GRK3: variants seen among roughly 807,000 people sequenced by gnomAD.
GRK3 encodes G protein-coupled receptor kinase 3, also known as adrenergic, beta, receptor kinase 2.
GRK3 carries 54 observed loss-of-function variants against 95.7 expected under a neutral mutation model. That is an observed-to-expected ratio of 0.56 (90% CI 0.45 to 0.71). GRK3 has a LOEUF of 0.71. Among genes scored for constraint, GRK3 ranks in the 30% least tolerant of loss-of-function variants. GRK3 has a pLI of 0.00. For missense variants in GRK3, 649 were observed against 851.2 expected, an observed-to-expected ratio of 0.76 and a Z score of 2.96; for synonymous variants, 281 against 290.8, an observed-to-expected ratio of 0.97 and a Z score of 0.34.
intron 9 of GRK3, among the ~76,000 whole-genome samples, chr22:25,680,915 C>T (rs964288575): frequency 1.3e-5 from 2 of 151,218 alleles, no homozygotes; most frequent in Non-Finnish European, 2.9e-5. Context: ...AACTGAAATG[C>T]ATTCACTCAC....
At chr22:25,595,850 G>A (rs2084368962) in intron 1 of GRK3, among the ~76,000 whole-genome samples, 1 of 152,210 alleles carries the variant, frequency 6.6e-6, no homozygotes, top group Non-Finnish European at 1.5e-5. Flanking sequence ...AGGAGGCTGA[G>A]GTGGGAGGAT....
At chr22:25,584,465 T>C (rs1249340469) in intron 1 of GRK3, among the ~76,000 whole-genome samples, 3 of 152,132 alleles carry the variant, frequency 2.0e-5, no homozygotes, top group African/African-American at 7.2e-5. Flanking sequence ...GGCCCCAAAG[T>C]GTGTGAGTAG....
chr22:25,710,960 A>C (rs966241817), intron 16 of GRK3, 108 bp from the exon 17 acceptor site: 2 of 546,130 alleles, frequency 3.7e-6, no homozygotes, highest in Non-Finnish European at 6.5e-6. Flanking sequence ...CATGCTGCGC[A>C]GTGGAGCATG....
rs3730112 is a variant in GRK3 at position 25,687,675 on chromosome 22, C to T, written c.957+8C>T. The T allele has an allele frequency of 9.2e-4, 1,480 of 1,613,880 alleles. 12 individuals are homozygous for T. The African/African-American group carries it at 0.015, about 16-fold the overall frequency. ...GTCTACAGAGATTTGAAGGTGAGGA[C>T]GATTGACAGACTCATTCTGCATAGT... is the stretch of plus-strand genomic sequence containing the variant. On this transcript the variant is annotated splice_region_variant and intron_variant, in intron 11 of 20. Transcript: ENST00000324198.
intron 15 of GRK3, among the ~76,000 whole-genome samples, chr22:25,706,916 G>A (rs901225494): frequency 4.6e-5 from 7 of 151,964 alleles, no homozygotes; most frequent in African/African-American, 1.7e-4. Flanking sequence ...CCAAACTCCC[G>A]GCCCAAGTAA....
intron 2 of GRK3, among the ~76,000 whole-genome samples, chr22:25,639,671 T>C (rs532055458): frequency 6.6e-6 from 1 of 152,300 alleles, no homozygotes; most frequent in East Asian, 1.9e-4. Flanking sequence ...TCCATATATA[T>C]TTTCGAATCA....
intron 2 of GRK3, among the ~76,000 whole-genome samples, chr22:25,611,918 C>T (rs1214424686): frequency 2.0e-5 from 3 of 151,082 alleles, no homozygotes; most frequent in African/African-American, 7.3e-5. Context: ...CTGAAACCTC[C>T]ACCTACCAGG....
chr22:25,612,641 C>T (rs1385978482), intron 2 of GRK3, among the ~76,000 whole-genome samples: 1 of 151,950 alleles, frequency 6.6e-6, no homozygotes, highest in East Asian at 1.9e-4. Context: ...TTACTTTTCA[C>T]TTTAATTTCT....
intron 15 of GRK3, among the ~76,000 whole-genome samples, chr22:25,708,236 A>G (rs866557162): frequency 6.6e-6 from 1 of 152,048 alleles, no homozygotes; most frequent in Admixed American, 6.5e-5. Flanking sequence ...GACAAAAAAA[A>G]AGAAACACCA....
chr22:25,651,280 C>T (rs1397111765), intron 3 of GRK3, among the ~76,000 whole-genome samples: 5 of 152,060 alleles, frequency 3.3e-5, no homozygotes, highest in African/African-American at 7.2e-5. Context: ...TACAGTCACA[C>T]CTTAAATTAA....
At chr22:25,659,110 C>A (rs1321459826) in intron 3 of GRK3, among the ~76,000 whole-genome samples, 1 of 151,942 alleles carries the variant, frequency 6.6e-6, no homozygotes, top group Non-Finnish European at 1.5e-5. Flanking sequence ...GAAGGGGTGC[C>A]CCCAGCACCA....
rs879101225 is a variant in GRK3 at position 25,725,948 on chromosome 22, C to CAA, written c.*3508_*3509dup. On this transcript the variant is annotated 3_prime_UTR_variant, in exon 21 of 21. Coordinates refer to ENST00000324198, the MANE Select transcript of GRK3 (RefSeq NM_005160.4). ...TGGGCGACAGAGCGAGACTCTGTCT[C>CAA]AAAAAAAAAAAGGAGGGGGGCTAAA... The CAA allele has an allele frequency of 9.4e-5, 15 of 159,452 alleles. No individual in the cohort carries two copies. Among genetic ancestry groups the CAA allele is most frequent in the East Asian group, 1.4e-4 (1 of 6,928 alleles). The allele number at this position is 159,452 out of a possible 1,614,324, so 9.9% of individuals were successfully genotyped here. A position where few individuals can be genotyped will look rare whatever the true frequency, so the allele number is the denominator to read the frequency against.
At chr22:25,660,662 G>A (rs988137011) in intron 3 of GRK3, among the ~76,000 whole-genome samples, 1 of 152,104 alleles carries the variant, frequency 6.6e-6, no homozygotes, top group African/African-American at 2.4e-5. Context: ...TAAGGTAAAA[G>A]GTAACCTTTA....
At chr22:25,717,226 A>G (rs758988305) in intron 18 of GRK3, among the ~76,000 whole-genome samples, 1 of 152,126 alleles carries the variant, frequency 6.6e-6, no homozygotes, top group Non-Finnish European at 1.5e-5. Context: ...TTGAACATCT[A>G]CTGATTTCGG....
At chr22:25,629,544 C>T (rs140186180) in intron 2 of GRK3, among the ~76,000 whole-genome samples, 308 of 152,282 alleles carry the variant, frequency 2.0e-3, no homozygotes, top group African/African-American at 7.2e-3. Context: ...GTGATGACTT[C>T]GATGTCTTTT....
chr22:25,709,390 GTTT>G (rs1219826603), intron 15 of GRK3, among the ~76,000 whole-genome samples: 2 of 152,026 alleles, frequency 1.3e-5, no homozygotes, highest in Non-Finnish European at 1.5e-5. Flanking sequence ...GCCAGGATGG[GTTT>G]CTTCAATTTA....
intron 10 of GRK3, 73 bp downstream of exon 10, chr22:25,685,321 C>A: frequency 8.7e-7 from 1 of 1,148,948 alleles, no homozygotes; most frequent in Non-Finnish European, 1.3e-6. Flanking sequence ...ATGCATTAAT[C>A]TAGGCAGACT....
intron 13 of GRK3, among the ~76,000 whole-genome samples, chr22:25,697,104 T>C (rs1181791119): frequency 6.6e-6 from 1 of 152,184 alleles, no homozygotes; most frequent in African/African-American, 2.4e-5. Flanking sequence ...AAAAGAAAAC[T>C]GTGCAACAGC....
At chr22:25,615,545 CT>C (rs1217294572) in intron 2 of GRK3, among the ~76,000 whole-genome samples, 2 of 151,930 alleles carry the variant, frequency 1.3e-5, no homozygotes, top group Non-Finnish European at 2.9e-5. Context: ...CAGAGATGTG[CT>C]GTGGGGGTGA....
Sources: allele counts gnomAD v4.1 joint callset (sites outside exome capture counted in the v4.1 genomes callset), GRCh38; gene constraint gnomAD v4.1.1; transcripts MANE v1.5; gene names NCBI Gene and HGNC (gene_info 2026-07-23, HGNC 2026-07-21).